Variants in CNTNAP2 observed in about 807,000 individuals in gnomAD.
CNTNAP2 encodes contactin associated protein 2, also known as contactin-associated protein-like 2.
CNTNAP2 carries 98 observed loss-of-function variants against 155.2 expected under a neutral mutation model. The ratio of observed to expected loss-of-function variants is 0.63; its 90% CI spans 0.54 to 0.75. The LOEUF (loss-of-function observed/expected upper bound fraction) is 0.75. Among genes scored for constraint, CNTNAP2 ranks in the 30% least tolerant of loss-of-function variants. The probability of loss-of-function intolerance (pLI) is 0.00; values close to 1 mark genes in which losing one functional copy is unlikely to be tolerated. For synonymous variants in CNTNAP2, 651 were observed against 631.2 expected (o/e 1.03, Z -0.47); for missense variants, 1,727 against 1,688.1 (o/e 1.02, Z -0.40).
intron 1 of CNTNAP2, among the ~76,000 whole-genome samples, chr7:146,394,739 A>G (rs1266261340): frequency 1.3e-5 from 2 of 152,070 alleles, no homozygotes; most frequent in African/African-American, 4.8e-5. Flanking sequence ...AAATTTTATG[A>G]TGTCTGATTT....
chr7:147,615,807 C>T (rs12667599), intron 12 of CNTNAP2, among the ~76,000 whole-genome samples: 26,505 of 151,950 alleles, frequency 0.17, 2,583 homozygotes, highest in East Asian at 0.34. Context: ...CCCATACTTT[C>T]GATAAATTCA....
intron 1 of CNTNAP2, among the ~76,000 whole-genome samples, chr7:146,281,270 C>G (rs1800247319): frequency 6.6e-6 from 1 of 152,064 alleles, no homozygotes; most frequent in Non-Finnish European, 1.5e-5. Flanking sequence ...ATCCTATAAC[C>G]AGAGGTATTT....
In CNTNAP2 at chr7:147,396,085, T is replaced by C. The variant is rs1369803820; in HGVS notation, c.1670+305T>C. On this transcript the variant is annotated intron_variant, in intron 10 of 23. Transcript: ENST00000361727. ...CATATATAACATATATACATATATATGTAGCATATATATGTATATATAGCA... is the reference window on the plus strand; with the variant it reads ...CATATATAACATATATACATATATACGTAGCATATATATGTATATATAGCA... 5.4e-5 allele frequency among the ~76,000 whole-genome samples: 8 copies of C among 147,872 alleles called. No individual in the cohort carries two copies. In the Admixed American group the frequency reaches 5.5e-4, roughly 10 times the overall value.
chr7:146,318,130 GACTCCATCTC>G (rs946912414), intron 1 of CNTNAP2, among the ~76,000 whole-genome samples: 21 of 144,438 alleles, frequency 1.5e-4, no homozygotes, highest in African/African-American at 4.2e-4. Context: ...AACAGAGCAA[GACTCCATCTC>G]AAAAAAAAAA....
chr7:147,264,104 G>A (rs1220136752), intron 8 of CNTNAP2, among the ~76,000 whole-genome samples: 1 of 152,032 alleles, frequency 6.6e-6, no homozygotes, highest in Non-Finnish European at 1.5e-5. Flanking sequence ...ACAGATATGG[G>A]GTAAACTTAC....
At chr7:146,843,975 T>C (rs576755906) in intron 3 of CNTNAP2, among the ~76,000 whole-genome samples, 6 of 152,288 alleles carry the variant, frequency 3.9e-5, no homozygotes, top group Admixed American at 1.3e-4. Context: ...GAAGATAATG[T>C]ATATTGAATC....
chr7:147,714,649 T>G (rs1796455639), intron 13 of CNTNAP2, among the ~76,000 whole-genome samples: 1 of 152,060 alleles, frequency 6.6e-6, no homozygotes, highest in African/African-American at 2.4e-5. Flanking sequence ...GTATAAGCCA[T>G]AGAGCTTATT....
chr7:147,970,274 C>G (rs1372782707), intron 14 of CNTNAP2, among the ~76,000 whole-genome samples: 2 of 152,106 alleles, frequency 1.3e-5, no homozygotes, highest in Non-Finnish European at 2.9e-5. Context: ...ATAGAAATAA[C>G]TAGACATTAA....
chr7:146,871,330 A>C (rs550009777), intron 3 of CNTNAP2, among the ~76,000 whole-genome samples: 24 of 152,092 alleles, frequency 1.6e-4, no homozygotes, highest in Non-Finnish European at 2.8e-4. Context: ...CAGGAGTTCA[A>C]GACCAGCCTG....
intron 18 of CNTNAP2, among the ~76,000 whole-genome samples, chr7:148,196,204 C>T (rs1215714458): frequency 6.6e-6 from 1 of 152,120 alleles, no homozygotes; most frequent in Non-Finnish European, 1.5e-5. Flanking sequence ...TCCCAAGGAA[C>T]AATCAAAAAA....
intron 9 of CNTNAP2, among the ~76,000 whole-genome samples, chr7:147,387,884 A>G (rs1796649377): frequency 6.6e-6 from 1 of 152,148 alleles, no homozygotes; most frequent in Non-Finnish European, 1.5e-5. Context: ...ACTTTCACCC[A>G]CTTATTTGAG....
At chr7:146,230,157 C>CA (rs1199764386) in intron 1 of CNTNAP2, among the ~76,000 whole-genome samples, 1 of 151,968 alleles carries the variant, frequency 6.6e-6, no homozygotes, top group Non-Finnish European at 1.5e-5. Context: ...CACTTGAGAT[C>CA]AAAAAAGAAA....
chr7:146,869,568 T>C (rs928941443), intron 3 of CNTNAP2, among the ~76,000 whole-genome samples: 1 of 152,146 alleles, frequency 6.6e-6, no homozygotes, highest in African/African-American at 2.4e-5. Context: ...AGGAAGCCAG[T>C]AGTGGCTCAG....
chr7:146,150,392 C>T (rs1439413944), intron 1 of CNTNAP2, among the ~76,000 whole-genome samples: 1 of 152,052 alleles, frequency 6.6e-6, no homozygotes, highest in Non-Finnish European at 1.5e-5. Flanking sequence ...ATCAGTTTCA[C>T]TTCTAAGTAT....
chr7:146,639,329 A>G (rs995669913), intron 1 of CNTNAP2, among the ~76,000 whole-genome samples: 4 of 152,188 alleles, frequency 2.6e-5, no homozygotes, highest in African/African-American at 9.7e-5. Context: ...TCTCTACTAT[A>G]AAGAAAACAC....
At chr7:147,567,277 G>A (rs577341847) in intron 12 of CNTNAP2, among the ~76,000 whole-genome samples, 1 of 152,254 alleles carries the variant, frequency 6.6e-6, no homozygotes, top group East Asian at 1.9e-4. Context: ...GGTGTTATGC[G>A]GCTGAGAAAT....
intron 1 of CNTNAP2, among the ~76,000 whole-genome samples, chr7:146,686,744 C>T (rs1448295822): frequency 6.6e-6 from 1 of 152,120 alleles, no homozygotes; most frequent in Non-Finnish European, 1.5e-5. Context: ...AGAAACATTA[C>T]TTGACTTACT....
chr7:148,396,825 AAAAAT>A (rs2116691953), intron 22 of CNTNAP2, among the ~76,000 whole-genome samples: 1 of 152,350 alleles, frequency 6.6e-6, no homozygotes, highest in Non-Finnish European at 1.5e-5. Context: ...AAGACTTTTA[AAAAAT>A]TAAAATCAGC....
At chr7:148,387,628 C>T (rs984432480) in intron 22 of CNTNAP2, among the ~76,000 whole-genome samples, 4 of 152,074 alleles carry the variant, frequency 2.6e-5, no homozygotes, top group African/African-American at 7.2e-5. Context: ...AATCAGCATT[C>T]GTGTTTTTTA....
Sources: allele counts gnomAD v4.1 joint callset (sites outside exome capture counted in the v4.1 genomes callset), GRCh38; gene constraint gnomAD v4.1.1; transcripts MANE v1.5; gene names NCBI Gene and HGNC (gene_info 2026-07-23, HGNC 2026-07-21).